The following NCALD variants were observed in gnomAD, a reference collection of about 807,000 sequenced individuals.
NCALD encodes neurocalcin delta.
In NCALD, 10 loss-of-function variants were observed where a neutral mutation model predicts 18.6. The ratio of observed to expected loss-of-function variants is 0.54; its 90% CI spans 0.33 to 0.91. The LOEUF (loss-of-function observed/expected upper bound fraction) is 0.91. Ranked by LOEUF, NCALD falls within the 40% of genes least tolerant of loss-of-function variation. The pLI is 0.03. For missense variants in NCALD, 184 were observed against 247.6 expected, an observed-to-expected ratio of 0.74 and a Z score of 1.72; for synonymous variants, 88 against 87.4, an observed-to-expected ratio of 1.01 and a Z score of -0.04.
intron 1 of NCALD, among the ~76,000 whole-genome samples, chr8:102,096,537 A>G (rs1018571363): frequency 6.6e-6 from 1 of 152,260 alleles, no homozygotes; most frequent in African/African-American, 2.4e-5. Context: ...TCTGCACAGC[A>G]GATGGGAAAT....
At chr8:101,844,033 G>A (rs953450017) in intron 4 of NCALD, among the ~76,000 whole-genome samples, 14 of 152,066 alleles carry the variant, frequency 9.2e-5, no homozygotes, top group Admixed American at 7.9e-4. Flanking sequence ...TTTTAAAGTC[G>A]CTAGGCCCAG....
chr8:101,917,559 G>A (rs962691956), intron 2 of NCALD, among the ~76,000 whole-genome samples: 3 of 151,578 alleles, frequency 2.0e-5, no homozygotes, highest in Non-Finnish European at 4.4e-5. Flanking sequence ...TTCTTTGAAA[G>A]GATAAACAAG....
chr8:101,808,388 G>C (rs997282389), intron 4 of NCALD, among the ~76,000 whole-genome samples: 2 of 152,088 alleles, frequency 1.3e-5, no homozygotes, highest in African/African-American at 4.8e-5. Context: ...TTTTCTCTTT[G>C]ATACTATGTT....
intron 2 of NCALD, among the ~76,000 whole-genome samples, chr8:102,013,599 G>A (rs370345588): frequency 6.6e-5 from 10 of 152,194 alleles, no homozygotes; most frequent in East Asian, 3.9e-4. Context: ...GCATGACCTC[G>A]TGCCCTTCTC....
intron 3 of NCALD, among the ~76,000 whole-genome samples, chr8:101,914,989 A>AATTTATTTTC: frequency 6.6e-6 from 1 of 152,304 alleles, no homozygotes; most frequent in East Asian, 1.9e-4. Flanking sequence ...CTGTATTCTT[A>AATTTATTTTC]ATTTATTTTA....
At chr8:102,089,351 G>A (rs1030768466) in intron 1 of NCALD, among the ~76,000 whole-genome samples, 5 of 150,904 alleles carry the variant, frequency 3.3e-5, no homozygotes, top group Admixed American at 6.6e-5. Context: ...CTGAGATCAC[G>A]CCACTGCACT....
chr8:101,778,386 G>A (rs1030495562), intron 1 of NCALD, among the ~76,000 whole-genome samples: 10 of 152,102 alleles, frequency 6.6e-5, no homozygotes, highest in Admixed American at 2.6e-4. Context: ...GTTATTGAAG[G>A]AAAACATAGA....
intron 1 of NCALD, among the ~76,000 whole-genome samples, chr8:101,778,677 T>C (rs1718607031): frequency 1.3e-5 from 2 of 151,740 alleles, no homozygotes; most frequent in South Asian, 4.2e-4. Flanking sequence ...AAAGAAAATA[T>C]GGGAAAAAAG....
chr8:101,999,359 G>A (rs560714391), intron 2 of NCALD, among the ~76,000 whole-genome samples: 1 of 152,120 alleles, frequency 6.6e-6, no homozygotes, highest in African/African-American at 2.4e-5. Context: ...ATGAAGTAAT[G>A]GCATTCACAG....
chr8:101,874,535 CA>C (rs1013345588), intron 4 of NCALD, among the ~76,000 whole-genome samples: 2 of 151,464 alleles, frequency 1.3e-5, no homozygotes, highest in Non-Finnish European at 2.9e-5. Flanking sequence ...TTTTCTTAAT[CA>C]AAAAAAAATT....
chr8:101,710,173 T>G (rs945468630), intron 2 of NCALD, among the ~76,000 whole-genome samples: 11 of 151,904 alleles, frequency 7.2e-5, no homozygotes, highest in African/African-American at 2.2e-4. Context: ...GTGCAAGGGG[T>G]TGGGGAACTC....
intron 4 of NCALD, among the ~76,000 whole-genome samples, chr8:101,859,267 T>C (rs1015192501): frequency 2.6e-5 from 4 of 152,194 alleles, no homozygotes; most frequent in African/African-American, 9.6e-5. Flanking sequence ...ACACCAGTGA[T>C]TTGCCAGGGC....
At chr8:101,784,511 A>G (rs1812144316) in intron 1 of NCALD, among the ~76,000 whole-genome samples, 1 of 152,162 alleles carries the variant, frequency 6.6e-6, no homozygotes, top group African/African-American at 2.4e-5. Flanking sequence ...TTCTAGAAGA[A>G]CATATGGTAA....
At chr8:101,741,763 C>CAAA (rs68064092) in intron 1 of NCALD, among the ~76,000 whole-genome samples, 154 of 69,686 alleles carry the variant, frequency 2.2e-3, no homozygotes, top group Middle Eastern at 0.013. Flanking sequence ...CTCATCTCTA[C>CAAA]AAAAAAAAAA....
At chr8:102,050,602 A>G (rs1292047057) in intron 1 of NCALD, among the ~76,000 whole-genome samples, 3 of 149,802 alleles carry the variant, frequency 2.0e-5, no homozygotes, top group East Asian at 1.9e-4. Flanking sequence ...GACAAAAATT[A>G]TACTATATTT....
chr8:101,940,468 T>A (rs970244427), intron 2 of NCALD, among the ~76,000 whole-genome samples: 1 of 152,204 alleles, frequency 6.6e-6, no homozygotes, highest in East Asian at 1.9e-4. Context: ...CATCAACTGA[T>A]GACACCAACA....
At chr8:101,807,385 A>G (rs1813144512) in intron 4 of NCALD, among the ~76,000 whole-genome samples, 1 of 152,172 alleles carries the variant, frequency 6.6e-6, no homozygotes, top group Non-Finnish European at 1.5e-5. Flanking sequence ...AGCACAAAGG[A>G]AAAGGGGGAA....
chr8:101,791,689 G>A (rs1812451417), upstream of NCALD, among the ~76,000 whole-genome samples: 1 of 152,064 alleles, frequency 6.6e-6, no homozygotes, highest in Admixed American at 6.5e-5. Context: ...AGGACCGAAG[G>A]AGTTTCAAAA....
intron 4 of NCALD, among the ~76,000 whole-genome samples, chr8:101,802,407 G>A (rs140478066): frequency 5.3e-4 from 81 of 152,194 alleles, no homozygotes; most frequent in Non-Finnish European, 9.9e-4. Flanking sequence ...AGAGTTGCAT[G>A]TCTCTCACTT....
Sources: allele counts gnomAD v4.1 joint callset (sites outside exome capture counted in the v4.1 genomes callset), GRCh38; gene constraint gnomAD v4.1.1; transcripts MANE v1.5; gene names NCBI Gene and HGNC (gene_info 2026-07-23, HGNC 2026-07-21).